PALLD: variants seen among roughly 807,000 people sequenced by gnomAD.
PALLD encodes the protein palladin.
Under a neutral mutation model 123.5 loss-of-function variants are expected in PALLD, and 61 were observed. The observed-to-expected ratio is 0.49, with a 90% CI of 0.40 to 0.61. The LOEUF is 0.61. Among genes scored for constraint, PALLD ranks in the 20% least tolerant of loss-of-function variants. The pLI is 0.00. For missense variants in PALLD, 1,273 were observed against 1,377.0 expected, an observed-to-expected ratio of 0.92 and a Z score of 1.20; for synonymous variants, 465 against 496.4, an observed-to-expected ratio of 0.94 and a Z score of 0.84.
intron 10 of PALLD, among the ~76,000 whole-genome samples, chr4:168,816,944 A>G (rs940062264): frequency 6.6e-6 from 1 of 151,856 alleles, no homozygotes; most frequent in Non-Finnish European, 1.5e-5. Flanking sequence ...TGTTTGAACA[A>G]GACAAAGAGC....
At chr4:168,886,746 C>T (rs922364735) in intron 10 of PALLD, among the ~76,000 whole-genome samples, 6 of 152,154 alleles carry the variant, frequency 3.9e-5, no homozygotes, top group Non-Finnish European at 7.4e-5. Context: ...AGGAAAATGT[C>T]TTTAACATTG....
chr4:168,556,772 A>G (rs767514657), intron 2 of PALLD, among the ~76,000 whole-genome samples: 6 of 152,196 alleles, frequency 3.9e-5, no homozygotes, highest in South Asian at 2.1e-4. Flanking sequence ...GCTAGAGAAA[A>G]AGATGGGAGG....
At position 168,511,438 on chromosome 4, in the gene PALLD, AAC is replaced by A. The variant is rs1762521000; in HGVS notation, c.-65_-64del. The stretch of plus-strand genomic sequence containing the variant: ...TGTCTTTCAGAACACAGTTTCAGAA[AAC>A]AGTTTCCAGTGCCTCTGGCCTTCCT... On this transcript the variant is annotated 5_prime_UTR_variant, in exon 2 of 22. Coordinates refer to ENST00000505667, the MANE Select transcript of PALLD (RefSeq NM_001166108.2). The A allele has an allele frequency of 1.9e-5, 22 of 1,189,164 alleles. No individual in the cohort carries two copies. The East Asian group carries it at 2.6e-4, about 14-fold the overall frequency. The allele number at this position is 1,189,164 out of a possible 1,614,324, so 73.7% of individuals were successfully genotyped here.
At chr4:168,568,274 C>A (rs1444018403) in intron 2 of PALLD, among the ~76,000 whole-genome samples, 1 of 151,912 alleles carries the variant, frequency 6.6e-6, no homozygotes, top group Non-Finnish European at 1.5e-5. Flanking sequence ...TTTAGAAATT[C>A]TATAGCAGAA....
In PALLD at chr4:168,709,142, C is replaced by T. The variant is rs780510622; in HGVS notation, c.1616C>T (p.Thr539Ile). The stretch of plus-strand genomic sequence containing the variant: ...ACCAGCACTGCCCAGCTGGTTGTCA[C>T]CTCAGGTATGTGAGGAGTAAAAAAA... The part of the protein sequence containing the change: ...SATSTAQLVV[T>I]SANTENCSYE... Residue 539 changes from threonine (T) to isoleucine (I), a missense_variant, in exon 9 of 22, where the codon ACC becomes ATC. Around this residue, in one of 2 missense-constraint regions of PALLD, gnomAD observed 944 missense variants for 954.5 expected, o/e 0.99. Transcript: ENST00000505667. The T allele has an allele frequency of 2.5e-5, 41 of 1,613,922 alleles. No homozygotes were observed. The highest frequency in any genetic ancestry group is 3.4e-5 in the Non-Finnish European group (40 of 1,179,960).
At chr4:168,770,496 C>T (rs1734249219) in intron 10 of PALLD, among the ~76,000 whole-genome samples, 1 of 152,158 alleles carries the variant, frequency 6.6e-6, no homozygotes, top group Non-Finnish European at 1.5e-5. Flanking sequence ...CAGGACAAAC[C>T]CAATAAAATG....
chr4:168,570,816 G>C (rs1768901991), intron 2 of PALLD, among the ~76,000 whole-genome samples: 1 of 152,090 alleles, frequency 6.6e-6, no homozygotes, highest in East Asian at 1.9e-4. Flanking sequence ...TTTTGTCCTG[G>C]ATTGACACTC....
chr4:168,710,765 T>C (rs1185430157), intron 9 of PALLD, among the ~76,000 whole-genome samples: 3 of 152,134 alleles, frequency 2.0e-5, no homozygotes, highest in African/African-American at 7.2e-5. Context: ...CAAATGGCCA[T>C]AGCAGGAGTG....
chr4:168,897,090 C>A (rs1398720278), intron 13 of PALLD, among the ~76,000 whole-genome samples: 3 of 152,178 alleles, frequency 2.0e-5, no homozygotes. Flanking sequence ...CTTGGCTTCC[C>A]AAAGCGCTGG....
intron 2 of PALLD, among the ~76,000 whole-genome samples, chr4:168,640,336 C>T (rs1776816794): frequency 6.6e-6 from 1 of 152,186 alleles, no homozygotes; most frequent in South Asian, 2.1e-4. Flanking sequence ...TATTCTTCCA[C>T]CTCTTAATTC....
intron 2 of PALLD, among the ~76,000 whole-genome samples, chr4:168,549,963 C>T (rs185717118): frequency 6.6e-6 from 1 of 152,194 alleles, no homozygotes; most frequent in Non-Finnish European, 1.5e-5. Context: ...ATTATTTACA[C>T]TTTCATCCAT....
intron 2 of PALLD, among the ~76,000 whole-genome samples, chr4:168,640,475 T>A (rs1361125416): frequency 2.0e-5 from 3 of 152,168 alleles, no homozygotes; most frequent in African/African-American, 7.2e-5. Context: ...GTAGTCCATC[T>A]CCCAGTACAC....
intron 10 of PALLD, among the ~76,000 whole-genome samples, chr4:168,773,980 A>G (rs543426553): frequency 1.3e-5 from 2 of 152,056 alleles, no homozygotes; most frequent in East Asian, 3.9e-4. Flanking sequence ...CGTATTGTAT[A>G]GCCCTGGGAA....
In PALLD at chr4:168,711,900, A is replaced by C. The variant is rs1170032576; in HGVS notation, c.1941A>C (p.Pro647=). ...AVLLSPTKEP[P]PLLAKPKLGF... ...TGCTTTCACCCACTAAGGAGCCACC[A>C]CCTCTGCTTGCCAAACCAAAACTGT... The change falls in exon 10 of 22, where the codon CCA becomes CCC. Residue 647 remains proline, a synonymous_variant. Transcript: ENST00000505667. 6.2e-7 allele frequency: 1 copy of C among 1,613,866 alleles called. No individual in the cohort carries two copies. Among genetic ancestry groups the C allele is most frequent in the South Asian group, 1.1e-5 (1 of 91,040 alleles).
At chr4:168,724,559 A>G (rs1786354754) in intron 10 of PALLD, among the ~76,000 whole-genome samples, 1 of 152,218 alleles carries the variant, frequency 6.6e-6, no homozygotes, top group African/African-American at 2.4e-5. Context: ...CCTTTTCCAT[A>G]TGTGACAAGG....
At chr4:168,903,513 T>G (rs2151303901) in intron 14 of PALLD, among the ~76,000 whole-genome samples, 1 of 152,262 alleles carries the variant, frequency 6.6e-6, no homozygotes, top group South Asian at 2.1e-4. Flanking sequence ...AAATAATATA[T>G]GAATGTAAGT....
intron 15 of PALLD, among the ~76,000 whole-genome samples, chr4:168,908,176 T>G (rs555253010): frequency 1.3e-5 from 2 of 152,332 alleles, no homozygotes; most frequent in South Asian, 4.1e-4. Flanking sequence ...ACCCCTTCTT[T>G]TCTGTCTTGG....
At chr4:168,579,930 A>G (rs961290060) in intron 2 of PALLD, among the ~76,000 whole-genome samples, 2 of 152,096 alleles carry the variant, frequency 1.3e-5, no homozygotes, top group Non-Finnish European at 2.9e-5. Flanking sequence ...AACTTTAAAT[A>G]TAGAACACAG....
At chr4:168,636,817 G>A (rs573313810) in intron 2 of PALLD, among the ~76,000 whole-genome samples, 1 of 152,322 alleles carries the variant, frequency 6.6e-6, no homozygotes, top group Non-Finnish European at 1.5e-5. Flanking sequence ...GCATTTGGGA[G>A]TGAGAAAGAA....
Sources: gnomAD v4.1 joint callset for allele counts (sites outside exome capture counted in the v4.1 genomes callset) on GRCh38, gnomAD v4.1.1 for gene constraint, gnomAD v4.1.1 regional missense constraint, MANE v1.5 for transcripts, NCBI Gene and HGNC (gene_info 2026-07-23, HGNC 2026-07-21) for gene names.